GPR21: variants seen among roughly 807,000 people sequenced by gnomAD.
GPR21 encodes probable G protein-coupled receptor 21.
Under a neutral mutation model 21.5 loss-of-function variants are expected in GPR21, and 9 were observed. The observed-to-expected ratio is 0.42, with a 90% CI of 0.25 to 0.73. The LOEUF (loss-of-function observed/expected upper bound fraction) is 0.73. Among genes scored for constraint, GPR21 ranks in the 30% least tolerant of loss-of-function variants. The pLI, the probability that GPR21 is intolerant of heterozygous loss-of-function variation, is 0.27. For missense variants in GPR21, 416 were observed against 428.9 expected, an observed-to-expected ratio of 0.97 and a Z score of 0.27; for synonymous variants, 169 against 159.3, an observed-to-expected ratio of 1.06 and a Z score of -0.46.
chr9:123,047,365 A>G, the GPR21 span, among the ~76,000 whole-genome samples: 1 of 152,208 alleles, frequency 6.6e-6, no homozygotes, highest in African/African-American at 2.4e-5. Context: ...ATGGAAGATC[A>G]TAAGTTGTCT....
downstream of GPR21, among the ~76,000 whole-genome samples, chr9:123,039,248 C>G (rs2032828658): frequency 1.3e-5 from 2 of 152,150 alleles, no homozygotes; most frequent in Admixed American, 1.3e-4. Flanking sequence ...GCTCATCCTC[C>G]TAAAATGACA....
the GPR21 span, among the ~76,000 whole-genome samples, chr9:123,043,537 A>G: frequency 6.6e-6 from 1 of 151,942 alleles, no homozygotes; most frequent in Non-Finnish European, 1.5e-5. Context: ...AGATCATGAC[A>G]TACTCTGATT....
downstream of GPR21, among the ~76,000 whole-genome samples, chr9:123,036,918 A>G (rs1251754979): frequency 6.6e-6 from 1 of 151,864 alleles, no homozygotes; most frequent in Non-Finnish European, 1.5e-5. Context: ...TGTAGTAGTG[A>G]TGTTTGTTCT....
chr9:123,035,702 C>G, downstream of GPR21: 1 of 844,996 alleles, frequency 1.2e-6, no homozygotes, highest in Non-Finnish European at 1.8e-6. Flanking sequence ...TCTAAGTATT[C>G]CTAATTCACT....
the GPR21 span, among the ~76,000 whole-genome samples, chr9:123,043,883 C>T: frequency 2.5e-4 from 37 of 150,534 alleles, no homozygotes; most frequent in Non-Finnish European, 4.7e-4. Flanking sequence ...TTTTCACTTA[C>T]GTAGGTGTAT....
downstream of GPR21, among the ~76,000 whole-genome samples, chr9:123,036,813 G>C (rs1437544858): frequency 1.3e-5 from 2 of 151,330 alleles, no homozygotes; most frequent in South Asian, 2.1e-4. Flanking sequence ...AGTTCTTAAT[G>C]GTCTTTTTTT....
the GPR21 span, among the ~76,000 whole-genome samples, chr9:123,044,154 C>T: frequency 2.6e-5 from 4 of 152,034 alleles, no homozygotes; most frequent in Non-Finnish European, 5.9e-5. Context: ...CCGCCCATCT[C>T]GGCCTCCCAA....
At chr9:123,040,148 A>G (rs12350789), downstream of GPR21, among the ~76,000 whole-genome samples, 16,592 of 152,094 alleles carry the variant, frequency 0.11, 2,922 homozygotes, top group African/African-American at 0.37. Flanking sequence ...CTTGTGGAAA[A>G]ATTCTGTGAT....
chr9:123,048,015 T>G, the GPR21 span, among the ~76,000 whole-genome samples: 744 of 128,936 alleles, frequency 5.8e-3, 5 homozygotes, highest in Admixed American at 8.9e-3. Flanking sequence ...CTCGGCCCAC[T>G]GCGAACCTCC....
chr9:123,034,781 C>CATATGCTGA lies in GPR21; in HGVS notation c.216_224dup (p.Ala74_Asp75insGluTyrAla). 6.2e-7 allele frequency: 1 copy of CATATGCTGA among 1,613,406 alleles called. No individual in the cohort carries two copies. Among genetic ancestry groups the CATATGCTGA allele is most frequent in the Non-Finnish European group, 8.5e-7 (1 of 1,179,346 alleles). ...ACAAGTTATTTTATCCAGACTATGGCATATGCTGACCTTTTTGTTGGGGTG... is the reference window on the plus strand; with the variant it reads ...ACAAGTTATTTTATCCAGACTATGGCATATGCTGAATATGCTGACCTTTTTGTTGGGGTG... On this transcript the variant is annotated inframe_insertion, in exon 2 of 2. Transcript: ENST00000616002.
chr9:123,042,113 T>C, the GPR21 span, among the ~76,000 whole-genome samples: 3 of 152,272 alleles, frequency 2.0e-5, no homozygotes, highest in South Asian at 4.1e-4. Flanking sequence ...TGTAAGAAAG[T>C]CTGTGTGTTA....
chr9:123,047,360 A>G, the GPR21 span, among the ~76,000 whole-genome samples: 1 of 152,194 alleles, frequency 6.6e-6, no homozygotes, highest in Non-Finnish European at 1.5e-5. Flanking sequence ...ATAAAATGGA[A>G]GATCATAAGT....
At chr9:123,039,732 T>C (rs2032860351), downstream of GPR21, among the ~76,000 whole-genome samples, 1 of 152,160 alleles carries the variant, frequency 6.6e-6, no homozygotes, top group Non-Finnish European at 1.5e-5. Flanking sequence ...TTAGGAAATA[T>C]GTAGTTGGAT....
downstream of GPR21, chr9:123,035,741 C>G (rs544353312): frequency 6.8e-5 from 43 of 628,676 alleles, no homozygotes; most frequent in African/African-American, 7.1e-4. Flanking sequence ...TACTTTGACT[C>G]TAAACAATAG....
At position 123,034,272 on chromosome 9, in the gene GPR21, C is replaced by T. The variant is rs1322883798; in HGVS notation, c.-295C>T. 1 of 438,930 alleles carries T rather than the reference C, an allele frequency of 2.3e-6. No homozygotes were observed. Among genetic ancestry groups the T allele is most frequent in the African/African-American group, 2.0e-5 (1 of 49,702 alleles). 27.2% of individuals were successfully genotyped at this position (438,930 alleles called of 1,614,324 possible). A position where few individuals can be genotyped will look rare whatever the true frequency, so the allele number is the denominator to read the frequency against. On this transcript the variant is annotated 5_prime_UTR_variant, in exon 2 of 2. Transcript: ENST00000616002. Reference sequence around the variant, plus strand: ...CCCTCACTTGGCCTGAAGACGTTCTCCCCAGAGTTTACCTTGCTCCCCTGG... The same window carrying T: ...CCCTCACTTGGCCTGAAGACGTTCTTCCCAGAGTTTACCTTGCTCCCCTGG...
the GPR21 span, among the ~76,000 whole-genome samples, chr9:123,042,749 A>G: frequency 6.6e-6 from 1 of 152,220 alleles, no homozygotes; most frequent in African/African-American, 2.4e-5. Flanking sequence ...GAATAGAGGA[A>G]AAGAAAGGAA....
At chr9:123,048,621 G>A in the GPR21 span, among the ~76,000 whole-genome samples, 1 of 152,174 alleles carries the variant, frequency 6.6e-6, no homozygotes, top group African/African-American at 2.4e-5. Flanking sequence ...ATAAGTATTT[G>A]GAAGTTCATC....
downstream of GPR21, among the ~76,000 whole-genome samples, chr9:123,039,745 C>T (rs578017918): frequency 3.0e-4 from 45 of 152,260 alleles, no homozygotes; most frequent in Middle Eastern, 3.4e-3. Flanking sequence ...AGTTGGATCA[C>T]ACCTTCTTGG....
chr9:123,044,921 C>T, the GPR21 span, among the ~76,000 whole-genome samples: 4 of 151,968 alleles, frequency 2.6e-5, no homozygotes, highest in African/African-American at 9.7e-5. Flanking sequence ...TAAAGGAACC[C>T]AAAGGATCAA....
Sources: gnomAD v4.1 joint callset for allele counts (sites outside exome capture counted in the v4.1 genomes callset) on GRCh38, gnomAD v4.1.1 for gene constraint, MANE v1.5 for transcripts, NCBI Gene and HGNC (gene_info 2026-07-23, HGNC 2026-07-21) for gene names.